Variants in MYOCD observed in about 807,000 individuals in gnomAD.
MYOCD encodes the protein myocardin.
MYOCD carries 32 observed loss-of-function variants against 96.1 expected under a neutral mutation model. The observed-to-expected ratio is 0.33, with a 90% CI of 0.25 to 0.45. MYOCD has a LOEUF of 0.45. Among genes scored for constraint, MYOCD ranks in the 20% least tolerant of loss-of-function variants. MYOCD has a pLI of 1.00. For missense variants in MYOCD, 1,133 were observed against 1,200.6 expected (o/e 0.94, Z 0.83); for synonymous variants, 469 against 469.0 (o/e 1.00, Z 0.00).
In MYOCD at chr17:12,760,726, T is replaced by G; in HGVS notation, c.2389+19T>G. The stretch of plus-strand genomic sequence containing the variant: ...AGCGGAGGTAAGACTGCCTGTGTCC[T>G]GTCCATTAGGACATTCTGAGCCCAC... On this transcript the variant is annotated intron_variant, in intron 13 of 13. Transcript: ENST00000425538. 1 of 1,607,118 alleles carries G rather than the reference T, an allele frequency of 6.2e-7. No individual in the cohort carries two copies. The highest frequency in any genetic ancestry group is 8.5e-7 in the Non-Finnish European group (1 of 1,173,980).
At chr17:12,698,682 G>A (rs1162900545) in intron 1 of MYOCD, among the ~76,000 whole-genome samples, 1 of 148,046 alleles carries the variant, frequency 6.8e-6, no homozygotes, top group African/African-American at 2.5e-5. Flanking sequence ...GTAGGCCAGT[G>A]ATTTCTCCAT....
At chr17:12,736,464 C>A in intron 6 of MYOCD, 128 bp downstream of exon 6, 2 of 967,620 alleles carry the variant, frequency 2.1e-6, no homozygotes, top group Non-Finnish European at 3.0e-6. Context: ...CTGGCTGCCA[C>A]AGCATTTTGA....
At chr17:12,748,160 C>CAAAAAAAAAAAAAAAAAA (rs58002174) in intron 9 of MYOCD, among the ~76,000 whole-genome samples, 1 of 90,594 alleles carries the variant, frequency 1.1e-5, no homozygotes, top group African/African-American at 3.9e-5. Context: ...GACTCCGTCT[C>CAAAAAAAAAAAAAAAAAA]AAAAAAAAAA....
chr17:12,684,665 T>C (rs1049927997), intron 1 of MYOCD, among the ~76,000 whole-genome samples: 6 of 151,368 alleles, frequency 4.0e-5, no homozygotes, highest in Non-Finnish European at 7.4e-5. Flanking sequence ...GCCAACATAG[T>C]GAAACCCCGT....
At chr17:12,754,946 T>A (rs1033456980) in intron 10 of MYOCD, among the ~76,000 whole-genome samples, 1 of 152,194 alleles carries the variant, frequency 6.6e-6, no homozygotes, top group Non-Finnish European at 1.5e-5. Flanking sequence ...CAGGATCACA[T>A]GAACCCAAGA....
At chr17:12,755,704 T>C (rs2032993143) in intron 10 of MYOCD, among the ~76,000 whole-genome samples, 1 of 152,188 alleles carries the variant, frequency 6.6e-6, no homozygotes, top group Non-Finnish European at 1.5e-5. Flanking sequence ...AGACCCCATC[T>C]CTACTAAAAG....
Position 12,736,308 on chromosome 17 carries a change from C to A in MYOCD, c.563C>A (p.Pro188His). The A allele has an allele frequency of 6.2e-7, 1 of 1,614,066 alleles. No individual in the cohort carries two copies. The highest frequency in any genetic ancestry group is 1.7e-5 in the Admixed American group (1 of 59,952). The change falls in exon 6 of 14, where the codon CCT becomes CAT. Residue 188 changes from proline (P) to histidine (H), a missense_variant. By Grantham distance (77) the Pro-to-His change is moderately conservative. Coordinates refer to ENST00000425538, the MANE Select transcript of MYOCD (RefSeq NM_001146312.3). Reference protein sequence around the residue: ...SPPDAKASDTPSTGSLGTNQD... With the variant: ...SPPDAKASDTHSTGSLGTNQD... ...CCAGACGCTAAAGCCTCAGATACCC[C>A]TTCGACAGGTTCTCTGGGGACAAAC...
chr17:12,757,580 T>G (rs1327493649), intron 11 of MYOCD, among the ~76,000 whole-genome samples: 2 of 152,168 alleles, frequency 1.3e-5, no homozygotes, highest in African/African-American at 4.8e-5. Context: ...CACTGCAACC[T>G]CCACCTCCCA....
At chr17:12,705,339 C>G in intron 2 of MYOCD, 146 bp downstream of exon 2, 1 of 583,404 alleles carries the variant, frequency 1.7e-6, no homozygotes, top group East Asian at 3.0e-5. Context: ...AATCCCAGAC[C>G]TTGGATGCTT....
intron 10 of MYOCD, among the ~76,000 whole-genome samples, chr17:12,756,213 T>C (rs1451818716): frequency 6.6e-6 from 1 of 152,182 alleles, no homozygotes; most frequent in African/African-American, 2.4e-5. Flanking sequence ...ATGATGTGGA[T>C]ACCTGGAGCC....
At chr17:12,749,024 A>G (rs1430871167) in intron 9 of MYOCD, among the ~76,000 whole-genome samples, 1 of 152,256 alleles carries the variant, frequency 6.6e-6, no homozygotes, top group African/African-American at 2.4e-5. Context: ...TTTAAAATGC[A>G]TATAAACATT....
intron 6 of MYOCD, among the ~76,000 whole-genome samples, chr17:12,737,335 G>T (rs2032375675): frequency 6.6e-6 from 1 of 152,164 alleles, no homozygotes; most frequent in African/African-American, 2.4e-5. Context: ...TGGGCCAGGG[G>T]CAGTGCCAAG....
rs1361648513 is a variant in MYOCD, at chr17:12,768,158, T to C, written c.*4514T>C. On this transcript the variant is annotated 3_prime_UTR_variant, in exon 14 of 14. Transcript: ENST00000425538. ...TGCCAGTGCTTTATTAGACAGATGA[T>C]ACTGATAGACACACAGAGCCCAGGT... 1 of 152,142 alleles carries C rather than the reference T, an allele frequency of 6.6e-6. No individual in the cohort carries two copies. The highest frequency in any genetic ancestry group is 1.5e-5 in the Non-Finnish European group (1 of 68,042). The allele number at this position is 152,142 out of a possible 1,614,324, so 9.4% of individuals were successfully genotyped here. A position where few individuals can be genotyped will look rare whatever the true frequency, so the allele number is the denominator to read the frequency against.
chr17:12,706,884 A>G (rs2031307361), intron 2 of MYOCD, among the ~76,000 whole-genome samples: 1 of 152,236 alleles, frequency 6.6e-6, no homozygotes, highest in Non-Finnish European at 1.5e-5. Flanking sequence ...GATAATTTCT[A>G]GAAAAAAATC....
intron 1 of MYOCD, among the ~76,000 whole-genome samples, chr17:12,673,570 C>T (rs1329005431): frequency 6.6e-6 from 1 of 152,110 alleles, no homozygotes; most frequent in East Asian, 1.9e-4. Context: ...AAAATTAAGC[C>T]AGTTATAATC....
In MYOCD at chr17:12,730,878, A is replaced by G. The variant is rs372090605; in HGVS notation, c.416-5283A>G. ...TGCCCTTGGTGTGGGTCTTCACAGAAAGGTAACTAGGATTCCAATTATCTT... is the reference window on the plus strand; with the variant it reads ...TGCCCTTGGTGTGGGTCTTCACAGAGAGGTAACTAGGATTCCAATTATCTT... On this transcript the variant is annotated intron_variant, in intron 5 of 13. Coordinates refer to ENST00000425538, the MANE Select transcript of MYOCD (RefSeq NM_001146312.3). 5.9e-5 allele frequency among the ~76,000 whole-genome samples: 9 copies of G among 152,312 alleles called. No individual in the cohort carries two copies. In the East Asian group the frequency reaches 1.3e-3, roughly 23 times the overall value.
In MYOCD at chr17:12,753,207, T is replaced by C. The variant is rs2032911881; in HGVS notation, c.1919T>C (p.Leu640Pro). The change falls in exon 10 of 14, where the codon CTG becomes CCG. Residue 640 changes from leucine (L) to proline (P), a missense_variant. By Grantham distance (98) the Leu-to-Pro change is moderately conservative. Coordinates refer to ENST00000425538, the MANE Select transcript of MYOCD (RefSeq NM_001146312.3). ...SPQCSPQHSPLGAVKSPQHIS... is the reference protein window; with the variant it reads ...SPQCSPQHSPPGAVKSPQHIS... ...CAGTGTTCCCCTCAGCATTCACCGC[T>C]GGGGGCTGTGAAAAGCCCACAGCAC... 3.1e-6 allele frequency: 5 copies of C among 1,614,146 alleles called. No individual in the cohort carries two copies. Among genetic ancestry groups the C allele is most frequent in the Non-Finnish European group, 4.2e-6 (5 of 1,180,004 alleles).
At chr17:12,695,395 C>G (rs1203513875) in intron 1 of MYOCD, among the ~76,000 whole-genome samples, 1 of 152,172 alleles carries the variant, frequency 6.6e-6, no homozygotes, top group Non-Finnish European at 1.5e-5. Flanking sequence ...CTTCTTAATA[C>G]CATCATCTTG....
At chr17:12,702,583 T>G (rs1030161807) in intron 1 of MYOCD, among the ~76,000 whole-genome samples, 3 of 152,046 alleles carry the variant, frequency 2.0e-5, no homozygotes, top group African/African-American at 7.2e-5. Context: ...ACCATTATAT[T>G]ACTTGTTTTT....
Sources: gnomAD v4.1 joint callset for allele counts (sites outside exome capture counted in the v4.1 genomes callset) on GRCh38, gnomAD v4.1.1 for gene constraint, MANE v1.5 for transcripts, NCBI Gene and HGNC (gene_info 2026-07-23, HGNC 2026-07-21) for gene names.